Variants in MTM1 observed in about 807,000 individuals in gnomAD.
The protein encoded by MTM1 is myotubularin 1.
In MTM1, 9 loss-of-function variants were observed where a neutral mutation model predicts 52.1. That is an observed-to-expected ratio of 0.17 (90% CI 0.10 to 0.30). The LOEUF is 0.30. Among genes scored for constraint, MTM1 ranks in the 10% least tolerant of loss-of-function variants. The pLI is 1.00. For synonymous variants in MTM1, 136 were observed against 163.8 expected (o/e 0.83, Z 1.29); for missense variants, 277 against 470.7 (o/e 0.59, Z 3.81).
upstream of MTM1, among the ~76,000 whole-genome samples, chrX:150,568,058 C>T (rs782068661): frequency 2.7e-5 from 3 of 112,236 alleles, no homozygotes; most frequent in Non-Finnish European, 3.8e-5. Context: ...CTGAGGGACA[C>T]CCCAGCTGTT....
intron 10 of MTM1, among the ~76,000 whole-genome samples, chrX:150,656,147 C>T (rs1268010499): frequency 1.8e-5 from 2 of 110,733 alleles, no homozygotes; most frequent in African/African-American, 6.6e-5. Context: ...AATCTGATCA[C>T]AGTTATGGAT....
chrX:150,638,874 T>C lies in MTM1; in HGVS notation c.445-69T>C. 9.7e-6 allele frequency: 8 copies of C among 822,829 alleles called. No homozygotes were observed. The South Asian group carries it at 1.4e-4, about 15-fold the overall frequency. The allele number at this position is 822,829 out of a possible 1,213,427, so 67.8% of individuals were successfully genotyped here. On this transcript the variant is annotated intron_variant, in intron 6 of 14. Transcript: ENST00000370396. ...CTGGTGAAATTTATTTTGCGAGAAA[T>C]CAAAAGATGTACTATAATAGTAGAC...
intron 1 of MTM1, among the ~76,000 whole-genome samples, chrX:150,575,093 G>T (rs1557411594): frequency 8.9e-6 from 1 of 112,392 alleles, no homozygotes. Context: ...TTTTAGTTTT[G>T]TAAGCCATAT....
At chrX:150,597,089 G>A (rs1303671971) in intron 3 of MTM1, 1 of 122,011 alleles carries the variant, frequency 8.2e-6, no homozygotes, top group Non-Finnish European at 1.7e-5. Context: ...ATCAACTTTG[G>A]AAGGGCTAGA....
intron 14 of MTM1, among the ~76,000 whole-genome samples, chrX:150,669,866 C>G: frequency 8.9e-6 from 1 of 112,203 alleles, no homozygotes; most frequent in Admixed American, 9.4e-5. Context: ...TGCAGAAGCT[C>G]TTTAGTTTAA....
At chrX:150,657,231 C>G (rs2040133393) in intron 10 of MTM1, among the ~76,000 whole-genome samples, 1 of 111,049 alleles carries the variant, frequency 9.0e-6, no homozygotes, top group Admixed American at 9.6e-5. Context: ...CCCAAATGTC[C>G]ATCAATGATA....
chrX:150,617,923 T>C (rs1293780326), intron 5 of MTM1, among the ~76,000 whole-genome samples: 1 of 111,716 alleles, frequency 9.0e-6, no homozygotes, highest in East Asian at 2.8e-4. Context: ...AGCACTGTAA[T>C]TGACTTTTTT....
At chrX:150,566,308 T>TTG (rs1477912083), upstream of MTM1, among the ~76,000 whole-genome samples, 1 of 111,200 alleles carries the variant, frequency 9.0e-6, no homozygotes, top group Non-Finnish European at 1.9e-5. Context: ...GCTAATTTTT[T>TTG]TGTATTTTTA....
chrX:150,636,562 G>A (rs1347518129), intron 6 of MTM1, among the ~76,000 whole-genome samples: 1 of 112,006 alleles, frequency 8.9e-6, no homozygotes, highest in Non-Finnish European at 1.9e-5. Flanking sequence ...TTTCTCTTTG[G>A]TTTTTAAAAG....
intron 4 of MTM1, among the ~76,000 whole-genome samples, chrX:150,610,363 T>C (rs963717711): frequency 1.8e-5 from 2 of 108,952 alleles, no homozygotes; most frequent in Admixed American, 2.0e-4. Context: ...TAGGGCCCAG[T>C]AGAGTTTCTG....
chrX:150,629,646 A>G (rs2039630463), intron 6 of MTM1, among the ~76,000 whole-genome samples: 2 of 112,868 alleles, frequency 1.8e-5, no homozygotes, highest in Admixed American at 1.9e-4. Flanking sequence ...CAAGACATCA[A>G]TGAGAATATT....
chrX:150,648,831 G>A (rs1557414094), intron 9 of MTM1, among the ~76,000 whole-genome samples: 1 of 112,658 alleles, frequency 8.9e-6, no homozygotes, highest in Non-Finnish European at 1.9e-5. Context: ...CTCTCTCATT[G>A]GTGTTTGCAT....
intron 6 of MTM1, among the ~76,000 whole-genome samples, chrX:150,629,519 G>A (rs1557413497): frequency 9.0e-6 from 1 of 111,518 alleles, no homozygotes. Context: ...AACAGAGGCT[G>A]TGTCTTCCTT....
At chrX:150,658,584 TAAAAA>T (rs1976719404) in intron 11 of MTM1, among the ~76,000 whole-genome samples, 1 of 109,426 alleles carries the variant, frequency 9.1e-6, no homozygotes, top group Non-Finnish European at 1.9e-5. Flanking sequence ...TAAAAATAAA[TAAAAA>T]TTTTTTAAAA....
intron 5 of MTM1, among the ~76,000 whole-genome samples, chrX:150,616,216 G>T (rs1347141787): frequency 3.6e-5 from 4 of 111,946 alleles, no homozygotes; most frequent in South Asian, 3.7e-4. Context: ...GCATAATTCT[G>T]AAATGTTACA....
At chrX:150,651,297 A>T (rs1185911949) in intron 10 of MTM1, among the ~76,000 whole-genome samples, 1 of 111,765 alleles carries the variant, frequency 8.9e-6, no homozygotes, top group East Asian at 2.8e-4. Flanking sequence ...TACACTGCTC[A>T]TAACTATGGC....
At chrX:150,620,434 G>A (rs943764367) in intron 6 of MTM1, among the ~76,000 whole-genome samples, 11 of 111,929 alleles carry the variant, frequency 9.8e-5, no homozygotes, top group South Asian at 7.4e-4. Flanking sequence ...GCCTATCCTC[G>A]TCTCCAGTGC....
intron 1 of MTM1, among the ~76,000 whole-genome samples, chrX:150,584,633 A>T (rs2038748792): frequency 9.0e-6 from 1 of 111,298 alleles, no homozygotes; most frequent in African/African-American, 3.3e-5. Context: ...CTAGAAATCT[A>T]AGAGACGGGA....
In MTM1 at chrX:150,611,768, C is replaced by T. The variant is rs145121408; in HGVS notation, c.232-2821C>T. ...TTCTGTCACCACAAAAGAACTCGCT[C>T]GTGCTGCCCGTTTAGAGTCGCGCTA... is the stretch of plus-strand genomic sequence containing the variant. On this transcript the variant is annotated intron_variant, in intron 4 of 14. Transcript: ENST00000370396. 6.8e-3 allele frequency among the ~76,000 whole-genome samples: 761 copies of T among 112,235 alleles called. 5 individuals carry two copies. The highest frequency in any genetic ancestry group is 0.023 in the African/African-American group (719 of 30,904).
Sources: gnomAD v4.1 joint callset for allele counts (sites outside exome capture counted in the v4.1 genomes callset) on GRCh38, gnomAD v4.1.1 for gene constraint, MANE v1.5 for transcripts, NCBI Gene and HGNC (gene_info 2026-07-23, HGNC 2026-07-21) for gene names.